DOCK3: variants seen among roughly 807,000 people sequenced by gnomAD.
DOCK3 encodes dedicator of cytokinesis 3, also known as dedicator of cytokinesis protein 3.
A neutral mutation model predicts 265.6 loss-of-function variants in DOCK3; 60 were observed. That is an observed-to-expected ratio of 0.23 (90% CI 0.18 to 0.28). DOCK3 has a LOEUF of 0.28. DOCK3 is among the 10% of genes least tolerant of loss of function. DOCK3 has a pLI of 1.00. For missense variants in DOCK3, 1,981 were observed against 2,594.3 expected, an observed-to-expected ratio of 0.76 and a Z score of 5.14; for synonymous variants, 881 against 938.0, an observed-to-expected ratio of 0.94 and a Z score of 1.11.
chr3:51,354,907 A>G lies in DOCK3; in HGVS notation c.4133A>G (p.His1378Arg), dbSNP rs967187360. Reference sequence around the variant, plus strand: ...AACAAAGAATACGTGTGCCGTGGCCATGACTACGAGAGGCTGGAGGCCTTC... The same window carrying G: ...AACAAAGAATACGTGTGCCGTGGCCGTGACTACGAGAGGCTGGAGGCCTTC... Reference protein sequence around the residue: ...LRNKEYVCRGHDYERLEAFQQ... With the variant: ...LRNKEYVCRGRDYERLEAFQQ... The change falls in exon 41 of 53, where the codon CAT becomes CGT. Residue 1378 changes from histidine (H) to arginine (R), a missense_variant. Coordinates refer to ENST00000266037, the MANE Select transcript of DOCK3 (RefSeq NM_004947.5). 1 of 1,613,918 alleles carries G rather than the reference A, an allele frequency of 6.2e-7. No individual in the cohort carries two copies. Among genetic ancestry groups the G allele is most frequent in the Non-Finnish European group, 8.5e-7 (1 of 1,179,854 alleles).
At chr3:51,177,103 A>G (rs937746780) in intron 12 of DOCK3, among the ~76,000 whole-genome samples, 1 of 152,184 alleles carries the variant, frequency 6.6e-6, no homozygotes, top group Non-Finnish European at 1.5e-5. Flanking sequence ...AGGCTTTATC[A>G]TTTTACAGAG....
intron 7 of DOCK3, among the ~76,000 whole-genome samples, chr3:51,080,403 G>A (rs2082186314): frequency 6.6e-6 from 1 of 152,158 alleles, no homozygotes; most frequent in Admixed American, 6.5e-5. Flanking sequence ...TTTGCTCCCT[G>A]GAAGTGCAAA....
chr3:50,965,389 AAATT>A (rs72236858), intron 5 of DOCK3, among the ~76,000 whole-genome samples: 14,417 of 152,118 alleles, frequency 0.095, 846 homozygotes, highest in Non-Finnish European at 0.12. Flanking sequence ...GAAAAAGAGC[AAATT>A]AATTCCTAAG....
chr3:50,951,458 T>G (rs139124580), intron 5 of DOCK3, among the ~76,000 whole-genome samples: 2 of 152,222 alleles, frequency 1.3e-5, no homozygotes, highest in African/African-American at 2.4e-5. Flanking sequence ...GAGTTCTTTA[T>G]GGACTATGTC....
chr3:50,819,697 C>A (rs975374329), intron 2 of DOCK3, among the ~76,000 whole-genome samples: 2 of 152,220 alleles, frequency 1.3e-5, no homozygotes, highest in African/African-American at 4.8e-5. Context: ...CACAGTGGCT[C>A]ATGCCTGTAA....
At chr3:50,847,931 A>G (rs1342666592) in intron 3 of DOCK3, among the ~76,000 whole-genome samples, 1 of 147,264 alleles carries the variant, frequency 6.8e-6, no homozygotes, top group Non-Finnish European at 1.5e-5. Flanking sequence ...GAGGTTGTCT[A>G]AGTCTTTTCG....
At chr3:50,812,649 C>T (rs2043830359) in intron 2 of DOCK3, among the ~76,000 whole-genome samples, 1 of 152,174 alleles carries the variant, frequency 6.6e-6, no homozygotes, top group African/African-American at 2.4e-5. Flanking sequence ...CTTACTCTGC[C>T]TTTTTGTTCT....
intron 9 of DOCK3, among the ~76,000 whole-genome samples, chr3:51,139,603 G>A (rs1011518134): frequency 1.3e-5 from 2 of 152,192 alleles, no homozygotes; most frequent in African/African-American, 4.8e-5. Flanking sequence ...GAGGTACAGA[G>A]GGGAACAAAT....
In DOCK3 at chr3:51,361,792, C is replaced by T. The variant is rs1427993040; in HGVS notation, c.5007-67C>T. 33 of 1,556,820 alleles carry T rather than the reference C, an allele frequency of 2.1e-5. No homozygotes were observed. The highest frequency in any genetic ancestry group is 9.2e-5 in the East Asian group (4 of 43,620). On this transcript the variant is annotated intron_variant, in intron 47 of 52. Transcript: ENST00000266037. This position sits in a 1 kb window ranked among gnomAD's most constrained non-coding sequence, Gnocchi z 4.2. ...CCAGGGATGACTATTCCACACATTC[C>T]GCTCTACTGTCCCCCTGCCACCTGC... is the stretch of plus-strand genomic sequence containing the variant.
intron 7 of DOCK3, among the ~76,000 whole-genome samples, chr3:51,086,455 A>G (rs1157311610): frequency 2.0e-5 from 3 of 151,936 alleles, no homozygotes; most frequent in African/African-American, 4.8e-5. Flanking sequence ...CCAGCAGTCC[A>G]AAATAAAGTC....
intron 3 of DOCK3, among the ~76,000 whole-genome samples, chr3:50,853,862 A>ATTTTTTTTT (rs138498095): frequency 6.8e-6 from 1 of 147,324 alleles, no homozygotes; most frequent in Non-Finnish European, 1.5e-5. Context: ...TGGTAGTTCT[A>ATTTTTTTTT]TTTTTTTTGT....
At chr3:51,218,200 G>A (rs561014404) in intron 14 of DOCK3, among the ~76,000 whole-genome samples, 8 of 152,064 alleles carry the variant, frequency 5.3e-5, no homozygotes, top group South Asian at 2.1e-4. Context: ...TTGGGAGGCC[G>A]AGGCAGGTGG....
In DOCK3 at chr3:51,024,032, C is replaced by T. The variant is rs185444778; in HGVS notation, c.316-40416C>T. ...AAATTGTTACTGAATTTATTTTTTA[C>T]TAGACTGTGTTTTCTTAATGGTTTT... On this transcript the variant is annotated intron_variant, in intron 5 of 52. Coordinates refer to ENST00000266037, the MANE Select transcript of DOCK3 (RefSeq NM_004947.5). Among the ~76,000 whole-genome samples, 184 of 152,174 alleles carry T rather than the reference C, an allele frequency of 1.2e-3. 4 individuals are homozygous for T. In the East Asian group the frequency reaches 0.031, roughly 26 times the overall value.
intron 9 of DOCK3, 96 bp from the exon 10 acceptor site, chr3:51,146,453 T>C (rs933317552): frequency 1.2e-5 from 15 of 1,290,498 alleles, no homozygotes; most frequent in East Asian, 7.6e-5. Flanking sequence ...CAAGCTGTTA[T>C]GTAAATATGT....
intron 1 of DOCK3, among the ~76,000 whole-genome samples, chr3:50,760,027 CTT>C (rs762160439): frequency 1.5e-4 from 21 of 143,704 alleles, no homozygotes; most frequent in Non-Finnish European, 2.7e-4. Flanking sequence ...AAGGCGGACT[CTT>C]TTTTTTTTTT....
At chr3:51,271,136 A>T (rs1047895052) in intron 24 of DOCK3, 129 bp downstream of exon 24, 2 of 1,093,470 alleles carry the variant, frequency 1.8e-6, no homozygotes, top group Admixed American at 5.0e-5. Flanking sequence ...GTAACCCTTA[A>T]GATACAGAAT....
At chr3:51,075,794 T>C (rs2082037196) in intron 7 of DOCK3, among the ~76,000 whole-genome samples, 1 of 152,180 alleles carries the variant, frequency 6.6e-6, no homozygotes, top group Non-Finnish European at 1.5e-5. Context: ...TTAGGTAATA[T>C]AGAAATTGAG....
In DOCK3 at chr3:51,315,059, G is replaced by C. The variant is rs2083292472; in HGVS notation, c.3333G>C (p.Arg1111=). 1 of 1,612,850 alleles carries C rather than the reference G, an allele frequency of 6.2e-7. No homozygotes were observed. Among genetic ancestry groups the C allele is most frequent in the African/African-American group, 1.3e-5 (1 of 74,990 alleles). ...CACTGGTCCCACAGCCAGAAGTACGGAATATCATGATTCCCATCTTTCATG... is the reference window on the plus strand; with the variant it reads ...CACTGGTCCCACAGCCAGAAGTACGCAATATCATGATTCCCATCTTTCATG... ...GVTLVPQPEV[R]NIMIPIFHDM... Residue 1111 remains arginine (R), a synonymous_variant, in exon 32 of 53, where the codon CGG becomes CGC. Coordinates refer to ENST00000266037, the MANE Select transcript of DOCK3 (RefSeq NM_004947.5).
intron 5 of DOCK3, among the ~76,000 whole-genome samples, chr3:50,966,054 A>G (rs896206027): frequency 2.0e-5 from 3 of 150,890 alleles, no homozygotes; most frequent in African/African-American, 7.3e-5. Context: ...GATTCCACAT[A>G]TAAGTGAGAT....
Sources: gnomAD v4.1 joint callset for allele counts (sites outside exome capture counted in the v4.1 genomes callset) on GRCh38, gnomAD v4.1.1 for gene constraint, Gnocchi (gnomAD v3.1) non-coding constraint, MANE v1.5 for transcripts, NCBI Gene and HGNC (gene_info 2026-07-23, HGNC 2026-07-21) for gene names.